Variants in CLDN5 observed in about 807,000 individuals in gnomAD.
The protein encoded by CLDN5 is claudin-5.
In CLDN5, 4 loss-of-function variants were observed where a neutral mutation model predicts 1.3. The observed-to-expected ratio is 3.07, with a 90% confidence interval of 1.51 to 7.03. CLDN5 has a LOEUF of 7.03. Ranked by LOEUF, CLDN5 falls within the 30% of genes most tolerant of loss-of-function variation. The probability of loss-of-function intolerance (pLI) is 0.00; values close to 1 mark genes in which losing one functional copy is unlikely to be tolerated. For missense variants in CLDN5, 225 were observed against 303.5 expected (o/e 0.74, Z 1.92); for synonymous variants, 156 against 152.3 (o/e 1.02, Z -0.18).
chr22:19,524,561 C>G, upstream of CLDN5: 3 of 1,385,156 alleles, frequency 2.2e-6, no homozygotes, highest in Non-Finnish European at 2.8e-6. Context: ...AGGGAAACAA[C>G]GGCTCTTGAG....
At position 19,523,038 on chromosome 22, in the gene CLDN5, C is replaced by G. The variant is rs1934138559; in HGVS notation, c.*561G>C. ...GGACACAGGTGGGAGAGAGTTCAAA[C>G]CATTTACTAAGCAGATTCTTAGCCT... On this transcript the variant is annotated 3_prime_UTR_variant, in exon 1 of 1. Transcript: ENST00000618236. The G allele has an allele frequency of 6.5e-6, 1 of 152,962 alleles. No individual in the cohort carries two copies. The highest frequency in any genetic ancestry group is 2.1e-4 in the South Asian group (1 of 4,848). 9.5% of individuals were successfully genotyped at this position (152,962 alleles called of 1,614,324 possible).
At chr22:19,525,070 G>A (rs1239459592), upstream of CLDN5, 1 of 1,001,144 alleles carries the variant, frequency 1.0e-6, no homozygotes, top group Non-Finnish European at 1.2e-6. Flanking sequence ...TCTGGAGCCT[G>A]AGTCTCTGGC....
Position 19,523,373 on chromosome 22 carries a change from C to G in CLDN5, c.*226G>C. Reference sequence around the variant, plus strand: ...GCGCCGCGCACAGAAAAGGAAACTTCATTCCGTCTGTTAAGGGCAGGGCCG... The same window carrying G: ...GCGCCGCGCACAGAAAAGGAAACTTGATTCCGTCTGTTAAGGGCAGGGCCG... On this transcript the variant is annotated 3_prime_UTR_variant, in exon 1 of 1. Coordinates refer to ENST00000618236, the MANE Select transcript of CLDN5 (RefSeq NM_001363066.2). 1.8e-6 allele frequency: 1 copy of G among 568,988 alleles called. No individual in the cohort carries two copies. The highest frequency in any genetic ancestry group is 2.9e-6 in the Non-Finnish European group (1 of 339,198). 35.2% of individuals were successfully genotyped at this position (568,988 alleles called of 1,614,324 possible).
chr22:19,524,648 C>A, upstream of CLDN5: 1 of 1,339,626 alleles, frequency 7.5e-7, no homozygotes, highest in Non-Finnish European at 9.6e-7. Flanking sequence ...TAGTCGCGGC[C>A]GAGCGCATTC....
upstream of CLDN5, chr22:19,524,943 C>T (rs756514344): frequency 9.8e-7 from 1 of 1,023,724 alleles, no homozygotes; most frequent in Non-Finnish European, 1.2e-6. Flanking sequence ...CACTCTCCAG[C>T]CCCGCTCTGA....
chr22:19,525,142 G>A (rs987441443), upstream of CLDN5: 20 of 1,000,508 alleles, frequency 2.0e-5, no homozygotes, highest in Non-Finnish European at 2.3e-5. Flanking sequence ...CAAGCCGCAG[G>A]GGCTTCCCAG....
chr22:19,523,221 T>C lies in CLDN5; in HGVS notation c.*378A>G, dbSNP rs45485695. 7,191 of 222,372 alleles carry C rather than the reference T, an allele frequency of 0.032. 168 individuals are homozygous for C. Among genetic ancestry groups the C allele is most frequent in the African/African-American group, 0.068 (2,947 of 43,226 alleles). The allele number at this position is 222,372 out of a possible 1,614,324, so 13.8% of individuals were successfully genotyped here. On this transcript the variant is annotated 3_prime_UTR_variant, in exon 1 of 1. Transcript: ENST00000618236. ...TGTACACATCTTCCGGTGGGGGCCC[T>C]GGGCTCTGCATCCGCCCCTCCGAAG...
At chr22:19,524,752 A>G, upstream of CLDN5, 3 of 1,261,022 alleles carry the variant, frequency 2.4e-6, no homozygotes, top group Non-Finnish European at 2.0e-6. Context: ...TGCACCACCC[A>G]GTCCACTCCC....
chr22:19,524,386 G>T lies in CLDN5; in HGVS notation c.-131C>A, dbSNP rs760721505. 1.3e-4 allele frequency: 184 copies of T among 1,466,322 alleles called. No homozygotes were observed. The highest frequency in any genetic ancestry group is 1.6e-4 in the Non-Finnish European group (179 of 1,108,022). 90.8% of individuals were successfully genotyped at this position (1,466,322 alleles called of 1,614,324 possible). A position where few individuals can be genotyped will look rare whatever the true frequency, so the allele number is the denominator to read the frequency against. On this transcript the variant is annotated 5_prime_UTR_variant, in exon 1 of 1. Transcript: ENST00000618236. ...TGGCCCCAGTCCGTTTGCCCCGCGG[G>T]TCTGTCGCACCTCCTGGGTCTGCCA... is the stretch of plus-strand genomic sequence containing the variant.
In CLDN5 at chr22:19,524,197, C is replaced by A. The variant is rs774631274; in HGVS notation, c.59G>T (p.Gly20Val). The change falls in exon 1 of 1, where the codon GGT becomes GTT. Residue 20 changes from glycine to valine, a missense_variant. This residue lies in a region of CLDN5 where 41 missense variants were observed against 40.5 expected (regional missense o/e 1.01). Transcript: ENST00000618236. The stretch of plus-strand genomic sequence containing the variant: ...GGGCAGCCCGCACGCCAGGATCAGA[C>A]CCCCCCAGCCCACCAGGCACAGCAC... ...GLVLCLVGWG[G>V]LILACGLPMW... is the part of the protein sequence containing the mutation. 1.3e-5 allele frequency: 21 copies of A among 1,604,440 alleles called. No individual in the cohort carries two copies. Among genetic ancestry groups the A allele is most frequent in the East Asian group, 2.3e-5 (1 of 44,442 alleles).
At position 19,523,193 on chromosome 22, in the gene CLDN5, A is replaced by G. The variant is rs1010659196; in HGVS notation, c.*406T>C. ...GGGCCCTGCCGATGGAGTAAAGACC[A>G]GCTGTACACATCTTCCGGTGGGGGC... On this transcript the variant is annotated 3_prime_UTR_variant, in exon 1 of 1. Transcript: ENST00000618236. 1.6e-5 allele frequency: 3 copies of G among 187,342 alleles called. No homozygotes were observed. Among genetic ancestry groups the G allele is most frequent in the Non-Finnish European group, 3.2e-5 (3 of 93,286 alleles). 11.6% of individuals were successfully genotyped at this position (187,342 alleles called of 1,614,324 possible). A position where few individuals can be genotyped will look rare whatever the true frequency, so the allele number is the denominator to read the frequency against.
rs1934176366 is a variant in CLDN5, at chr22:19,524,212, A to G, written c.44T>C (p.Leu15Pro). ...ALEILGLVLC[L>P]VGWGGLILAC... ...CAGGATCAGACCCCCCCAGCCCACCAGGCACAGCACCAGGCCCAGGATCTC... is the reference window on the plus strand; with the variant it reads ...CAGGATCAGACCCCCCCAGCCCACCGGGCACAGCACCAGGCCCAGGATCTC... The change falls in exon 1 of 1, where the codon CTG (leucine) becomes CCG (proline). Residue 15 changes from leucine to proline, a missense_variant. Leu to Pro is a moderately conservative substitution (Grantham distance 98). Transcript: ENST00000618236. 1.2e-6 allele frequency: 2 copies of G among 1,601,842 alleles called. No individual in the cohort carries two copies. The highest frequency in any genetic ancestry group is 2.7e-5 in the African/African-American group (2 of 74,480).
chr22:19,524,682 T>C (rs1165774882), upstream of CLDN5: 1 of 1,300,140 alleles, frequency 7.7e-7, no homozygotes, highest in South Asian at 3.0e-5. Context: ...GGCGCGCTTC[T>C]TGGGCCGCCT....
At chr22:19,524,781 G>C (rs1015909917), upstream of CLDN5, 55 of 1,237,496 alleles carry the variant, frequency 4.4e-5, no homozygotes, top group Non-Finnish European at 5.5e-5. Flanking sequence ...GACTGAGCCG[G>C]GTGGTCTCTT....
chr22:19,524,588 G>T, upstream of CLDN5: 25 of 1,344,516 alleles, frequency 1.9e-5, no homozygotes, highest in Non-Finnish European at 2.4e-5. Flanking sequence ...CTGAGGGCGC[G>T]GGACCGCTCC....
chr22:19,523,741 G>A lies in CLDN5; in HGVS notation c.515C>T (p.Ala172Val). 2 of 1,604,948 alleles carry A rather than the reference G, an allele frequency of 1.2e-6. No individual in the cohort carries two copies. The highest frequency in any genetic ancestry group is 1.7e-6 in the Non-Finnish European group (2 of 1,177,112). Residue 172 changes from alanine (A) to valine (V), a missense_variant, in exon 1 of 1, where the codon GCG becomes GTG. Physicochemically the swap from Ala to Val is moderately conservative, Grantham distance 64. This residue lies in a region of CLDN5 where 165 missense variants were observed against 211.9 expected (regional missense o/e 0.78). Transcript: ENST00000618236. ...AALYIGWAAT[A>V]LLMVGGCLLC... ...GAGGCAGCCGCCTACCATGAGCAGC[G>A]CGGTGGCCGCCCAGCCGATGTACAG...
Position 19,523,440 on chromosome 22 carries a change from G to A in CLDN5, c.*159C>T. ...AGGTCAGCTGCGGGCGCAGGCAGGA[G>A]CGGATCCAGGAGCCGCGTCGGGGCG... On this transcript the variant is annotated 3_prime_UTR_variant, in exon 1 of 1. Transcript: ENST00000618236. The A allele has an allele frequency of 9.7e-7, 1 of 1,035,546 alleles. No individual in the cohort carries two copies. Among genetic ancestry groups the A allele is most frequent in the Non-Finnish European group, 1.3e-6 (1 of 748,672 alleles). 64.1% of individuals were successfully genotyped at this position (1,035,546 alleles called of 1,614,324 possible).
In CLDN5 at chr22:19,524,371, C is replaced by T. The variant is rs1249016026; in HGVS notation, c.-116G>A. ...CGCGCTCCCGGCTCTTGGCCCCAGT[C>T]CGTTTGCCCCGCGGGTCTGTCGCAC... On this transcript the variant is annotated 5_prime_UTR_variant, in exon 1 of 1. Transcript: ENST00000618236. 1.4e-6 allele frequency: 2 copies of T among 1,470,918 alleles called. No individual in the cohort carries two copies. The highest frequency in any genetic ancestry group is 1.8e-6 in the Non-Finnish European group (2 of 1,110,326). The allele number at this position is 1,470,918 out of a possible 1,614,324, so 91.1% of individuals were successfully genotyped here.
Position 19,523,418 on chromosome 22 carries a change from T to G in CLDN5, c.*181A>C. 1.3e-6 allele frequency: 1 copy of G among 797,044 alleles called. No homozygotes were observed. The highest frequency in any genetic ancestry group is 1.8e-5 in the African/African-American group (1 of 54,358). The allele number at this position is 797,044 out of a possible 1,614,324, so 49.4% of individuals were successfully genotyped here. On this transcript the variant is annotated 3_prime_UTR_variant, in exon 1 of 1. Coordinates refer to ENST00000618236, the MANE Select transcript of CLDN5 (RefSeq NM_001363066.2). The stretch of plus-strand genomic sequence containing the variant: ...GGGCCGGGCTAGTGGCAGGAGAAGG[T>G]CAGCTGCGGGCGCAGGCAGGAGCGG...
Sources: allele counts gnomAD v4.1 joint callset, GRCh38; gene constraint gnomAD v4.1.1; regional missense constraint gnomAD v4.1.1; transcripts MANE v1.5; gene names NCBI Gene and HGNC (gene_info 2026-07-23, HGNC 2026-07-21).